CSMD1: variants seen among roughly 807,000 people sequenced by gnomAD.
CSMD1 encodes the protein CUB and Sushi multiple domains 1.
A neutral mutation model predicts 417.5 loss-of-function variants in CSMD1; 213 were observed. The observed-to-expected ratio is 0.51, with a 90% confidence interval of 0.46 to 0.57. The LOEUF (loss-of-function observed/expected upper bound fraction) is 0.57, where lower values mean the gene tolerates loss of function less well. Among genes scored for constraint, CSMD1 ranks in the 20% least tolerant of loss-of-function variants. The pLI is 0.00. For missense variants in CSMD1, 6,923 were observed against 4,529.7 expected, an observed-to-expected ratio of 1.53 and a Z score of -15.17; for synonymous variants, 2,862 against 1,736.8, an observed-to-expected ratio of 1.65 and a Z score of -16.11.
At chr8:3,513,825 A>G (rs1427860755) in intron 10 of CSMD1, among the ~76,000 whole-genome samples, 4 of 152,230 alleles carry the variant, frequency 2.6e-5, no homozygotes, top group Admixed American at 6.5e-5. Flanking sequence ...ACAGAATAAG[A>G]AAACTGCATT....
intron 26 of CSMD1, among the ~76,000 whole-genome samples, chr8:3,249,456 T>C (rs1800115418): frequency 6.6e-6 from 1 of 152,154 alleles, no homozygotes; most frequent in African/African-American, 2.4e-5. Context: ...ACTCCTGACC[T>C]TGGGTGATCC....
At chr8:3,535,637 C>T (rs1398703027) in intron 10 of CSMD1, among the ~76,000 whole-genome samples, 1 of 152,162 alleles carries the variant, frequency 6.6e-6, no homozygotes, top group African/African-American at 2.4e-5. Flanking sequence ...AACAGATACC[C>T]TAAAAGCTCT....
chr8:4,805,416 G>C (rs1365265593), intron 1 of CSMD1, among the ~76,000 whole-genome samples: 1 of 152,132 alleles, frequency 6.6e-6, no homozygotes, highest in Non-Finnish European at 1.5e-5. Context: ...GTCTTCATGT[G>C]ACCGAGTCCT....
intron 23 of CSMD1, among the ~76,000 whole-genome samples, chr8:3,330,456 G>A (rs1396860202): frequency 6.6e-6 from 1 of 152,196 alleles, no homozygotes; most frequent in East Asian, 1.9e-4. Context: ...GAACATGGAT[G>A]GAGCTGGAGG....
At position 4,151,468 on chromosome 8, in the gene CSMD1, C is replaced by G. The variant is rs151294164; in HGVS notation, c.416-119369G>C. Among the ~76,000 whole-genome samples, 319 of 152,246 alleles carry G rather than the reference C, an allele frequency of 2.1e-3. 1 individual carries two copies. Among genetic ancestry groups the G allele is most frequent in the African/African-American group, 7.0e-3 (290 of 41,536 alleles). On this transcript the variant is annotated intron_variant, in intron 3 of 69. Transcript: ENST00000635120. ...CAATAAGATATTGAATCACCCATAT[C>G]TAGTTTAACAAACACATTATACAGA...
At chr8:4,753,673 C>A (rs74563983) in intron 1 of CSMD1, among the ~76,000 whole-genome samples, 2 of 152,154 alleles carry the variant, frequency 1.3e-5, no homozygotes, top group East Asian at 3.9e-4. Context: ...TTCTCAGGTT[C>A]CCTGGTGTCT....
At chr8:3,045,402 T>A (rs954753413) in intron 50 of CSMD1, among the ~76,000 whole-genome samples, 1 of 151,854 alleles carries the variant, frequency 6.6e-6, no homozygotes, top group South Asian at 2.1e-4. Flanking sequence ...CAAAAAAAAA[T>A]AGGTATAAGT....
intron 1 of CSMD1, among the ~76,000 whole-genome samples, chr8:4,715,828 C>T (rs1291095968): frequency 1.3e-4 from 20 of 152,308 alleles, no homozygotes; most frequent in Admixed American, 1.3e-3. Context: ...CCCTCTGGAC[C>T]AAACCAAAGT....
At chr8:3,821,585 C>T (rs921419497) in intron 5 of CSMD1, among the ~76,000 whole-genome samples, 2 of 152,094 alleles carry the variant, frequency 1.3e-5, no homozygotes, top group African/African-American at 4.8e-5. Context: ...AGTACGAGAC[C>T]AGCCTGGCCA....
intron 3 of CSMD1, among the ~76,000 whole-genome samples, chr8:4,282,723 A>T (rs1796855567): frequency 6.6e-6 from 1 of 152,192 alleles, no homozygotes; most frequent in African/African-American, 2.4e-5. Flanking sequence ...TAATCGGAAC[A>T]ATTTTAATTA....
chr8:3,654,311 T>C (rs1004361182), intron 7 of CSMD1, among the ~76,000 whole-genome samples: 1 of 152,202 alleles, frequency 6.6e-6, no homozygotes, highest in African/African-American at 2.4e-5. Flanking sequence ...ATTTATAAAA[T>C]TATGTAATAA....
chr8:4,984,583 ATGT>A (rs767234632), intron 1 of CSMD1, among the ~76,000 whole-genome samples: 20 of 152,206 alleles, frequency 1.3e-4, no homozygotes, highest in Non-Finnish European at 2.8e-4. Flanking sequence ...TCAGTTCATG[ATGT>A]TGTTCCTGTT....
At chr8:4,855,181 C>T (rs1330994688) in intron 1 of CSMD1, among the ~76,000 whole-genome samples, 1 of 150,048 alleles carries the variant, frequency 6.7e-6, no homozygotes, top group Non-Finnish European at 1.5e-5. Context: ...CAGGGTACTC[C>T]AACAGACCTG....
Position 3,226,830 on chromosome 8 carries a change from A to G in CSMD1, c.4346-2963T>C, listed in dbSNP as rs562433491. ...AAGAGATTTTATAAAAGGGAAAGAA[A>G]GAGAGAGAGCCAGTAATGAGTAAAT... On this transcript the variant is annotated intron_variant, in intron 27 of 69. Coordinates refer to ENST00000635120, the MANE Select transcript of CSMD1 (RefSeq NM_033225.6). 4.6e-5 allele frequency among the ~76,000 whole-genome samples: 7 copies of G among 152,272 alleles called. No individual in the cohort carries two copies. In the East Asian group the frequency reaches 9.7e-4, roughly 21 times the overall value.
At chr8:4,347,926 T>C (rs1800867124) in intron 3 of CSMD1, among the ~76,000 whole-genome samples, 1 of 151,518 alleles carries the variant, frequency 6.6e-6, no homozygotes, top group Non-Finnish European at 1.5e-5. Flanking sequence ...AAGGATAAAA[T>C]AGGAGCACAA....
intron 3 of CSMD1, among the ~76,000 whole-genome samples, chr8:4,305,574 GAA>G (rs985267960): frequency 3.9e-5 from 6 of 152,120 alleles, no homozygotes; most frequent in Non-Finnish European, 8.8e-5. Flanking sequence ...AGGAAAGAAT[GAA>G]AAAGAGTAAA....
At chr8:4,292,888 A>T (rs1436815724) in intron 3 of CSMD1, among the ~76,000 whole-genome samples, 2 of 152,186 alleles carry the variant, frequency 1.3e-5, no homozygotes, top group Non-Finnish European at 2.9e-5. Context: ...CTTTTTGTAA[A>T]GAGATAATTT....
At chr8:4,775,908 G>C (rs750178545) in intron 1 of CSMD1, among the ~76,000 whole-genome samples, 3 of 152,204 alleles carry the variant, frequency 2.0e-5, no homozygotes, top group Admixed American at 1.3e-4. Flanking sequence ...AAGTTAGGGA[G>C]TGGCACGCCG....
chr8:3,497,091 T>G (rs1425910510), intron 10 of CSMD1, among the ~76,000 whole-genome samples: 2 of 152,206 alleles, frequency 1.3e-5, no homozygotes, highest in Admixed American at 1.3e-4. Flanking sequence ...ATTCATACCA[T>G]GTACTGATGA....
Sources: gnomAD v4.1 joint callset for allele counts (sites outside exome capture counted in the v4.1 genomes callset) on GRCh38, gnomAD v4.1.1 for gene constraint, MANE v1.5 for transcripts, NCBI Gene and HGNC (gene_info 2026-07-23, HGNC 2026-07-21) for gene names.